KLF17: variants seen among roughly 807,000 people sequenced by gnomAD.
The protein encoded by KLF17 is Krueppel-like factor 17.
KLF17 carries 31 observed loss-of-function variants against 34.2 expected under a neutral mutation model. The ratio of observed to expected loss-of-function variants is 0.91; its 90% confidence interval spans 0.68 to 1.22. The LOEUF (loss-of-function observed/expected upper bound fraction) is 1.22, where lower values mean the gene tolerates loss of function less well. Ranked by LOEUF, KLF17 falls within the 50% of genes most tolerant of loss-of-function variation. The pLI, the probability that KLF17 is intolerant of heterozygous loss-of-function variation, is 0.00. For synonymous variants in KLF17, 179 were observed against 186.7 expected, an observed-to-expected ratio of 0.96 and a Z score of 0.34; for missense variants, 478 against 505.2, an observed-to-expected ratio of 0.95 and a Z score of 0.52.
the KLF17 span, among the ~76,000 whole-genome samples, chr1:44,066,389 C>CTTTT: frequency 9.8e-3 from 1,261 of 128,038 alleles, 24 homozygotes; most frequent in African/African-American, 0.035. Flanking sequence ...TAATACTTTC[C>CTTTT]TTTTTTTTTT....
the KLF17 span, chr1:44,104,754 C>A: frequency 3.6e-6 from 1 of 281,570 alleles, no homozygotes. Flanking sequence ...TCATCAATAG[C>A]ATAATTGAGA....
the KLF17 span, among the ~76,000 whole-genome samples, chr1:44,094,248 C>T: frequency 6.6e-6 from 1 of 152,000 alleles, no homozygotes; most frequent in East Asian, 1.9e-4. Context: ...TTATTAATCC[C>T]TTGTCAGATG....
intron 1 of KLF17, among the ~76,000 whole-genome samples, chr1:44,128,376 T>C (rs2088053597): frequency 1.3e-5 from 2 of 152,228 alleles, no homozygotes; most frequent in African/African-American, 4.8e-5. Flanking sequence ...ATATGGTTCT[T>C]GGCTTCTATC....
At chr1:44,095,760 T>C in the KLF17 span, among the ~76,000 whole-genome samples, 4 of 152,140 alleles carry the variant, frequency 2.6e-5, no homozygotes, top group African/African-American at 9.7e-5. Flanking sequence ...CATTCCTATC[T>C]ATTTTTGTTT....
At chr1:44,096,161 C>T in the KLF17 span, among the ~76,000 whole-genome samples, 16 of 151,758 alleles carry the variant, frequency 1.1e-4, no homozygotes, top group African/African-American at 3.9e-4. Flanking sequence ...AGGCTGGTCC[C>T]AAACTCCTGG....
chr1:44,103,608 A>G, the KLF17 span: 794 of 1,606,856 alleles, frequency 4.9e-4, 7 homozygotes, highest in African/African-American at 9.6e-3. Context: ...GTAGGTGGCG[A>G]TCTCGATCTC....
the KLF17 span, among the ~76,000 whole-genome samples, chr1:44,094,476 G>T: frequency 0.018 from 2,767 of 152,144 alleles, 36 homozygotes; most frequent in Middle Eastern, 0.086. Flanking sequence ...CATAGTTTCC[G>T]GTCTTAGGTT....
At chr1:44,119,368 C>A (rs558044526) in intron 1 of KLF17, among the ~76,000 whole-genome samples, 4 of 140,492 alleles carry the variant, frequency 2.8e-5, no homozygotes, top group East Asian at 2.1e-4. Context: ...GGCAGGACAG[C>A]AAAGACCAAG....
chr1:44,080,855 T>C, the KLF17 span, among the ~76,000 whole-genome samples: 3 of 150,866 alleles, frequency 2.0e-5, no homozygotes, highest in Admixed American at 6.6e-5. Context: ...GCTGGGACTA[T>C]AGGCATGTGC....
intron 1 of KLF17, among the ~76,000 whole-genome samples, chr1:44,127,712 CTTCT>C (rs2088040904): frequency 1.4e-5 from 1 of 74,002 alleles, no homozygotes; most frequent in South Asian, 4.3e-4. Context: ...TTCTTTCTTT[CTTCT>C]CTTTTCTTTC....
chr1:44,122,519 G>C, intron 1 of KLF17: 2 of 892,706 alleles, frequency 2.2e-6, no homozygotes, highest in Non-Finnish European at 3.8e-6. Context: ...TCATCCTAGC[G>C]GTGCCATCAC....
At chr1:44,065,908 A>G in the KLF17 span, among the ~76,000 whole-genome samples, 1 of 152,248 alleles carries the variant, frequency 6.6e-6, no homozygotes, top group East Asian at 1.9e-4. Flanking sequence ...TCCTTCAGAA[A>G]AAGAAACATG....
the KLF17 span, chr1:44,076,898 T>A: frequency 6.7e-6 from 1 of 149,280 alleles, no homozygotes; most frequent in Non-Finnish European, 1.5e-5. Flanking sequence ...GCCTGGCCTT[T>A]TTTTTTTTTT....
At chr1:44,125,283 C>A (rs2087994446) in intron 1 of KLF17, among the ~76,000 whole-genome samples, 1 of 152,134 alleles carries the variant, frequency 6.6e-6, no homozygotes. Context: ...CCTCATTTTG[C>A]AAAGACAGTT....
the KLF17 span, among the ~76,000 whole-genome samples, chr1:44,083,092 C>A: frequency 6.6e-6 from 1 of 151,728 alleles, no homozygotes; most frequent in African/African-American, 2.4e-5. Flanking sequence ...CGGGGCATGC[C>A]ACCACACCCA....
At chr1:44,127,535 CTCCTTCCTTCCT>C (rs758472075) in intron 1 of KLF17, among the ~76,000 whole-genome samples, 1 of 147,868 alleles carries the variant, frequency 6.8e-6, no homozygotes, top group Non-Finnish European at 1.5e-5. Context: ...CCCTCCTTCC[CTCCTTCCTTCCT>C]TCCTTCCTTG....
At position 44,133,934 on chromosome 1, in the gene KLF17, TA is replaced by T. The variant is rs753920976; in HGVS notation, c.*698del. On this transcript the variant is annotated 3_prime_UTR_variant, in exon 4 of 4. Coordinates refer to ENST00000372299, the MANE Select transcript of KLF17 (RefSeq NM_173484.4). ...GTCTTGGGTACTCAAAGTGTCTTTC[TA>T]CCAGGGCACCAGATCCCTTCCATGG... is the stretch of plus-strand genomic sequence containing the variant. 1 of 152,264 alleles carries T rather than the reference TA, an allele frequency of 6.6e-6. No individual in the cohort carries two copies. Among genetic ancestry groups the T allele is most frequent in the Middle Eastern group, 3.2e-3 (1 of 316 alleles). The allele number at this position is 152,264 out of a possible 1,614,324, so 9.4% of individuals were successfully genotyped here. A position where few individuals can be genotyped will look rare whatever the true frequency, so the allele number is the denominator to read the frequency against.
At chr1:44,095,330 C>T in the KLF17 span, among the ~76,000 whole-genome samples, 3 of 151,918 alleles carry the variant, frequency 2.0e-5, no homozygotes, top group Non-Finnish European at 4.4e-5. Flanking sequence ...ATTCTCCTGC[C>T]TCAGCCTACC....
At chr1:44,082,766 A>G in the KLF17 span, among the ~76,000 whole-genome samples, 1 of 152,068 alleles carries the variant, frequency 6.6e-6, no homozygotes, top group African/African-American at 2.4e-5. Context: ...GATCCTTATT[A>G]CCTTGGTAAG....
Sources: allele counts gnomAD v4.1 joint callset (sites outside exome capture counted in the v4.1 genomes callset), GRCh38; gene constraint gnomAD v4.1.1; transcripts MANE v1.5; gene names NCBI Gene and HGNC (gene_info 2026-07-23, HGNC 2026-07-21).